The following DDX10 variants were observed in gnomAD, a reference collection of about 807,000 sequenced individuals.
The protein encoded by DDX10 is probable ATP-dependent RNA helicase DDX10.
A neutral mutation model predicts 104.3 loss-of-function variants in DDX10; 74 were observed. That is an observed-to-expected ratio of 0.71 (90% CI 0.59 to 0.86). DDX10 has a LOEUF of 0.86. Ranked by LOEUF, DDX10 falls within the 40% of genes least tolerant of loss-of-function variation. The pLI, the probability that DDX10 is intolerant of heterozygous loss-of-function variation, is 0.00. For missense variants in DDX10, 952 were observed against 1,040.0 expected (o/e 0.92, Z 1.16); for synonymous variants, 351 against 353.4 (o/e 0.99, Z 0.08).
intron 16 of DDX10, among the ~76,000 whole-genome samples, chr11:108,900,400 T>C (rs1441003044): frequency 6.6e-6 from 1 of 152,178 alleles, no homozygotes; most frequent in African/African-American, 2.4e-5. Context: ...TCCAAAGATA[T>C]ATCAGCTCAG....
At chr11:108,674,330 A>G (rs939245680) in intron 2 of DDX10, among the ~76,000 whole-genome samples, 3 of 152,158 alleles carry the variant, frequency 2.0e-5, no homozygotes, top group Non-Finnish European at 4.4e-5. Flanking sequence ...TTTACAGTGT[A>G]TACATGATGC....
intron 13 of DDX10, among the ~76,000 whole-genome samples, chr11:108,740,517 G>A (rs1281019716): frequency 6.6e-6 from 1 of 152,100 alleles, no homozygotes; most frequent in African/African-American, 2.4e-5. Flanking sequence ...TGGGATTGCT[G>A]GGTTGAATGG....
chr11:108,823,113 C>T (rs1397011633), intron 13 of DDX10, among the ~76,000 whole-genome samples: 1 of 152,046 alleles, frequency 6.6e-6, no homozygotes, highest in Non-Finnish European at 1.5e-5. Context: ...TGTAATAATT[C>T]CAGTGTTTTT....
chr11:108,674,898 G>C (rs1480841779), intron 2 of DDX10, among the ~76,000 whole-genome samples: 7 of 152,076 alleles, frequency 4.6e-5, no homozygotes, highest in Admixed American at 2.6e-4. Context: ...ACTTCCCCCA[G>C]CTTCTGGTAA....
chr11:108,859,589 C>A (rs981672146), intron 16 of DDX10, among the ~76,000 whole-genome samples: 1 of 152,168 alleles, frequency 6.6e-6, no homozygotes, highest in African/African-American at 2.4e-5. Flanking sequence ...GTAAATAAAT[C>A]CAGGTGATGC....
intron 16 of DDX10, among the ~76,000 whole-genome samples, chr11:108,873,128 T>A (rs778839070): frequency 6.6e-6 from 1 of 152,190 alleles, no homozygotes; most frequent in South Asian, 2.1e-4. Flanking sequence ...TCAGCAAATT[T>A]TGCATTGTCA....
At chr11:108,758,402 T>C (rs948639955) in intron 13 of DDX10, among the ~76,000 whole-genome samples, 4 of 152,056 alleles carry the variant, frequency 2.6e-5, no homozygotes, top group African/African-American at 9.7e-5. Flanking sequence ...GGAGGATCTG[T>C]ATCATGGAGA....
chr11:108,780,670 T>C (rs1331228412), intron 13 of DDX10, among the ~76,000 whole-genome samples: 1 of 152,186 alleles, frequency 6.6e-6, no homozygotes, highest in Non-Finnish European at 1.5e-5. Context: ...AAATAATACT[T>C]TCTCAGTATT....
intron 10 of DDX10, among the ~76,000 whole-genome samples, chr11:108,709,794 C>A (rs2094281659): frequency 6.6e-6 from 1 of 151,776 alleles, no homozygotes; most frequent in African/African-American, 2.4e-5. Context: ...TACTCTAGTT[C>A]TTATTTATTC....
intron 13 of DDX10, among the ~76,000 whole-genome samples, chr11:108,775,890 G>A (rs539567771): frequency 5.9e-5 from 9 of 152,130 alleles, no homozygotes; most frequent in Non-Finnish European, 1.0e-4. Context: ...TAATAACTTC[G>A]TATAATCGTA....
intron 13 of DDX10, among the ~76,000 whole-genome samples, chr11:108,753,537 A>G (rs377662083): frequency 4.6e-5 from 7 of 152,172 alleles, no homozygotes; most frequent in African/African-American, 1.2e-4. Flanking sequence ...CCCTCTGTCC[A>G]TCGTGTTTTC....
intron 16 of DDX10, among the ~76,000 whole-genome samples, chr11:108,857,218 T>C (rs1013155518): frequency 2.6e-5 from 4 of 152,288 alleles, no homozygotes; most frequent in Admixed American, 6.5e-5. Context: ...ACAAATCGCA[T>C]CCATGATACA....
At chr11:108,808,068 CTAATTTCA>C (rs1262566417) in intron 13 of DDX10, among the ~76,000 whole-genome samples, 1 of 152,106 alleles carries the variant, frequency 6.6e-6, no homozygotes, top group Non-Finnish European at 1.5e-5. Flanking sequence ...TGGTGAAAGG[CTAATTTCA>C]TAGAGTCATG....
rs368934404 is a variant in DDX10 at position 108,737,558 on chromosome 11, G to A, written c.1965+14096G>A. Among the ~76,000 whole-genome samples, 7 of 152,188 alleles carry A rather than the reference G, an allele frequency of 4.6e-5. No homozygotes were observed. The East Asian group carries it at 5.8e-4, about 13-fold the overall frequency. On this transcript the variant is annotated intron_variant, in intron 13 of 17. Transcript: ENST00000322536. Reference sequence around the variant, plus strand: ...TAAATTCTAGGCTCTAGAAAAAAGTGCCTTAGTAAACTGGGCACTGTAAAT... The same window carrying A: ...TAAATTCTAGGCTCTAGAAAAAAGTACCTTAGTAAACTGGGCACTGTAAAT...
Position 108,676,184 on chromosome 11 carries a change from T to G in DDX10, c.378+458T>G, listed in dbSNP as rs1249380444. Among the ~76,000 whole-genome samples the G allele has an allele frequency of 5.9e-5, 9 of 152,262 alleles. No individual in the cohort carries two copies. In the East Asian group the frequency reaches 1.3e-3, roughly 23 times the overall value. The stretch of plus-strand genomic sequence containing the variant: ...ATTTGTTGAGAATTTTCTGGGACAT[T>G]GCTATCGGTCTTTTATGGCAGCAAA... On this transcript the variant is annotated intron_variant, in intron 3 of 17. Transcript: ENST00000322536.
At chr11:108,701,115 T>C (rs1313165782) in intron 9 of DDX10, among the ~76,000 whole-genome samples, 1 of 152,172 alleles carries the variant, frequency 6.6e-6, no homozygotes, top group Non-Finnish European at 1.5e-5. Context: ...CCCCAGAATA[T>C]TTCCAAACCT....
Position 108,903,729 on chromosome 11 carries a change from C to G in DDX10, c.2305-14144C>G, listed in dbSNP as rs1218167832. Among the ~76,000 whole-genome samples the G allele has an allele frequency of 2.0e-5, 3 of 152,042 alleles. No homozygotes were observed. In the East Asian group the frequency reaches 5.8e-4, roughly 29 times the overall value. Reference sequence around the variant, plus strand: ...ACCAACCATGGATACTGAGGGATGACCATAAAGGGTTCTGGAACCAAGCCC... The same window carrying G: ...ACCAACCATGGATACTGAGGGATGAGCATAAAGGGTTCTGGAACCAAGCCC... On this transcript the variant is annotated intron_variant, in intron 16 of 17. Coordinates refer to ENST00000322536, the MANE Select transcript of DDX10 (RefSeq NM_004398.4).
At chr11:108,754,815 G>A (rs1468187227) in intron 13 of DDX10, among the ~76,000 whole-genome samples, 11 of 152,018 alleles carry the variant, frequency 7.2e-5, no homozygotes, top group Non-Finnish European at 1.0e-4. Flanking sequence ...TATCCCTTGT[G>A]CTTAACTGGA....
intron 16 of DDX10, among the ~76,000 whole-genome samples, chr11:108,898,276 G>A (rs1380385251): frequency 1.3e-5 from 2 of 151,966 alleles, no homozygotes; most frequent in East Asian, 1.9e-4. Flanking sequence ...ACAAAAGCCC[G>A]CTATGGATGG....
Sources: allele counts gnomAD v4.1 joint callset (sites outside exome capture counted in the v4.1 genomes callset), GRCh38; gene constraint gnomAD v4.1.1; transcripts MANE v1.5; gene names NCBI Gene and HGNC (gene_info 2026-07-23, HGNC 2026-07-21).